GPHN: variants seen among roughly 807,000 people sequenced by gnomAD.
GPHN encodes gephyrin.
A neutral mutation model predicts 95.5 loss-of-function variants in GPHN; 17 were observed. That is an observed-to-expected ratio of 0.18 (90% CI 0.12 to 0.27). The LOEUF is 0.27. Ranked by LOEUF, GPHN falls within the 10% of genes least tolerant of loss-of-function variation. GPHN has a pLI of 1.00. For missense variants in GPHN, 660 were observed against 978.1 expected (o/e 0.67, Z 4.34); for synonymous variants, 320 against 322.5 (o/e 0.99, Z 0.08).
the GPHN span, among the ~76,000 whole-genome samples, chr14:67,299,088 T>G: frequency 6.6e-6 from 1 of 152,250 alleles, no homozygotes; most frequent in African/African-American, 2.4e-5. Flanking sequence ...TTGGGTTGTT[T>G]CCTGTTTATG....
the GPHN span, among the ~76,000 whole-genome samples, chr14:67,493,521 TA>T: frequency 6.6e-6 from 1 of 152,058 alleles, no homozygotes; most frequent in African/African-American, 2.4e-5. Flanking sequence ...TCTGCAGGAG[TA>T]AATTGCCTTG....
intron 10 of GPHN, among the ~76,000 whole-genome samples, chr14:67,045,190 G>T (rs1454196724): frequency 2.6e-5 from 4 of 152,110 alleles, no homozygotes; most frequent in Non-Finnish European, 5.9e-5. Context: ...TGTCCTAAAG[G>T]ACCCATGACC....
chr14:67,211,436 G>C, the GPHN span, among the ~76,000 whole-genome samples: 1 of 151,994 alleles, frequency 6.6e-6, no homozygotes, highest in Non-Finnish European at 1.5e-5. Flanking sequence ...AGGAGAACTG[G>C]GGAAAAGAGC....
At chr14:66,542,043 A>G (rs2059371783) in intron 1 of GPHN, among the ~76,000 whole-genome samples, 2 of 152,164 alleles carry the variant, frequency 1.3e-5, no homozygotes, top group African/African-American at 4.8e-5. Context: ...GTATTTTGTT[A>G]TCTATGATTT....
the GPHN span, among the ~76,000 whole-genome samples, chr14:67,625,117 G>C: frequency 6.6e-6 from 1 of 151,684 alleles, no homozygotes; most frequent in Non-Finnish European, 1.5e-5. Flanking sequence ...GGAAAGAATA[G>C]TCTTCAGTAA....
the GPHN span, among the ~76,000 whole-genome samples, chr14:67,668,604 T>C: frequency 6.7e-6 from 1 of 148,978 alleles, no homozygotes; most frequent in Non-Finnish European, 1.5e-5. Context: ...ATCCAATAGG[T>C]ATCTATGAAG....
At chr14:67,194,709 G>T in the GPHN span, among the ~76,000 whole-genome samples, 1,041 of 152,210 alleles carry the variant, frequency 6.8e-3, 19 homozygotes, top group African/African-American at 0.024. Flanking sequence ...CACCTTGTTG[G>T]TCAGGCTGGT....
chr14:66,864,305 CAG>C (rs959230404), intron 4 of GPHN, among the ~76,000 whole-genome samples: 3 of 152,144 alleles, frequency 2.0e-5, no homozygotes, highest in African/African-American at 7.2e-5. Flanking sequence ...ATCCGAAAGA[CAG>C]GGCATAACAA....
chr14:67,590,101 T>C, the GPHN span: 1 of 1,551,178 alleles, frequency 6.4e-7, no homozygotes, highest in Non-Finnish European at 8.7e-7. Context: ...TTGATGTGGC[T>C]TTCTGGTGTG....
the GPHN span, chr14:67,359,716 G>C: frequency 1.2e-6 from 2 of 1,613,522 alleles, no homozygotes; most frequent in South Asian, 1.1e-5. Flanking sequence ...ATAACTTTTC[G>C]GCTCGGGTCC....
chr14:67,059,435 G>A (rs1594976494), intron 11 of GPHN, among the ~76,000 whole-genome samples: 1 of 152,092 alleles, frequency 6.6e-6, no homozygotes. Flanking sequence ...AAGAGAAGTT[G>A]TATTTAGTGC....
At chr14:67,124,257 T>A (rs1174014004) in intron 17 of GPHN, among the ~76,000 whole-genome samples, 1 of 151,882 alleles carries the variant, frequency 6.6e-6, no homozygotes, top group Non-Finnish European at 1.5e-5. Flanking sequence ...AATATGAAAA[T>A]TAGCTGGGGG....
At chr14:66,634,181 A>G (rs777889061) in intron 1 of GPHN, among the ~76,000 whole-genome samples, 4 of 151,916 alleles carry the variant, frequency 2.6e-5, no homozygotes, top group Non-Finnish European at 5.9e-5. Flanking sequence ...CTGCCTTTTC[A>G]TATTTCTTGT....
chr14:66,569,371 T>TA (rs1368946185), intron 1 of GPHN, among the ~76,000 whole-genome samples: 1 of 152,192 alleles, frequency 6.6e-6, no homozygotes, highest in African/African-American at 2.4e-5. Context: ...TTGTGCTTTC[T>TA]AAAAAAATTA....
chr14:66,844,025 CAGA>C (rs2062208402), intron 4 of GPHN, among the ~76,000 whole-genome samples: 2 of 151,656 alleles, frequency 1.3e-5, no homozygotes, highest in Non-Finnish European at 2.9e-5. Flanking sequence ...TTAATAAGAC[CAGA>C]AGATTTTTTT....
At chr14:67,009,397 A>C (rs556988740) in intron 9 of GPHN, among the ~76,000 whole-genome samples, 1 of 152,296 alleles carries the variant, frequency 6.6e-6, no homozygotes, top group South Asian at 2.1e-4. Flanking sequence ...ATTAGATACA[A>C]TATTTCTAAC....
At chr14:67,366,854 T>TGAGCCGAGATTGCGCCAC in the GPHN span, among the ~76,000 whole-genome samples, 3 of 152,066 alleles carry the variant, frequency 2.0e-5, no homozygotes, top group Admixed American at 6.5e-5. Context: ...ATGTTTTCTG[T>TGAGCCGAGATTGCGCCAC]TTTACACCTT....
intron 5 of GPHN, among the ~76,000 whole-genome samples, chr14:66,913,428 G>A (rs776768742): frequency 7.9e-5 from 12 of 151,958 alleles, no homozygotes; most frequent in Non-Finnish European, 1.6e-4. Context: ...TGCAACCTCC[G>A]CCTCCCAGAT....
At chr14:67,541,784 T>C in the GPHN span, 1 of 1,303,178 alleles carries the variant, frequency 7.7e-7, no homozygotes. Context: ...CACAGAACTC[T>C]TCCTCACACG....
Sources: gnomAD v4.1 joint callset for allele counts (sites outside exome capture counted in the v4.1 genomes callset) on GRCh38, gnomAD v4.1.1 for gene constraint, MANE v1.5 for transcripts, NCBI Gene and HGNC (gene_info 2026-07-23, HGNC 2026-07-21) for gene names.